Variants in NRG1 observed in about 807,000 individuals in gnomAD.
The protein encoded by NRG1 is pro-neuregulin-1, membrane-bound isoform.
In NRG1, 18 loss-of-function variants were observed where a neutral mutation model predicts 63.8. The observed-to-expected ratio is 0.28, with a 90% CI of 0.19 to 0.42. The LOEUF (loss-of-function observed/expected upper bound fraction) is 0.42, where lower values mean the gene tolerates loss of function less well. Ranked by LOEUF, NRG1 falls within the 10% of genes least tolerant of loss-of-function variation. NRG1 has a pLI of 1.00. For synonymous variants in NRG1, 302 were observed against 301.3 expected, an observed-to-expected ratio of 1.00 and a Z score of -0.02; for missense variants, 762 against 814.7, an observed-to-expected ratio of 0.94 and a Z score of 0.79.
intron 1 of NRG1, among the ~76,000 whole-genome samples, chr8:32,088,756 G>A (rs1327110110): frequency 2.0e-5 from 3 of 152,092 alleles, no homozygotes; most frequent in Non-Finnish European, 4.4e-5. Context: ...TTGACCTCAT[G>A]ATCCTCCTGC....
At chr8:32,736,179 C>T (rs149278995) in intron 6 of NRG1, among the ~76,000 whole-genome samples, 13 of 152,246 alleles carry the variant, frequency 8.5e-5, no homozygotes, top group Admixed American at 2.0e-4. Flanking sequence ...CTAGAAAGAA[C>T]GCTAAAACAC....
intron 1 of NRG1, among the ~76,000 whole-genome samples, chr8:31,830,347 TTCCTTCCTTCCTTCCCTCCTTCCC>T (rs1470351101): frequency 2.9e-4 from 34 of 116,482 alleles, no homozygotes; most frequent in Middle Eastern, 4.1e-3. Context: ...CCTTCCTTCC[TTCCTTCCTTCCTTCCCTCCTTCCC>T]TCCTTCCCTC....
chr8:31,770,606 G>T (rs866779913), intron 1 of NRG1, among the ~76,000 whole-genome samples: 1 of 151,158 alleles, frequency 6.6e-6, no homozygotes, highest in African/African-American at 2.4e-5. Context: ...ATCACACACC[G>T]GGGCCTGTTG....
Position 31,668,195 on chromosome 8 carries a change from T to C in NRG1, c.37+28764T>C, listed in dbSNP as rs142859926. On this transcript the variant is annotated intron_variant, in intron 1 of 10. Transcript: ENST00000519301. ...CAAAATTACAAGGAATGTAGTGGAA[T>C]TGGATAATGGATGGTGGAACCTCTT... Among the ~76,000 whole-genome samples, 469 of 152,304 alleles carry C rather than the reference T, an allele frequency of 3.1e-3. 3 individuals carry two copies. Among genetic ancestry groups the C allele is most frequent in the African/African-American group, 0.011 (451 of 41,564 alleles).
At chr8:31,928,702 A>G (rs1288567656) in intron 1 of NRG1, among the ~76,000 whole-genome samples, 1 of 152,138 alleles carries the variant, frequency 6.6e-6, no homozygotes, top group East Asian at 1.9e-4. Context: ...TTTAAAAAGA[A>G]TGAAATAATA....
At chr8:32,131,106 A>G (rs1031204091) in intron 1 of NRG1, among the ~76,000 whole-genome samples, 4 of 152,046 alleles carry the variant, frequency 2.6e-5, no homozygotes, top group African/African-American at 9.7e-5. Flanking sequence ...ACAATACCTT[A>G]ATTTCCAGAT....
chr8:32,742,732 C>T lies in NRG1; in HGVS notation c.690C>T (p.Tyr230=). 6.2e-7 allele frequency: 1 copy of T among 1,613,794 alleles called. No individual in the cohort carries two copies. Among genetic ancestry groups the T allele is most frequent in the Non-Finnish European group, 8.5e-7 (1 of 1,179,756 alleles). Residue 230 remains tyrosine, a splice_region_variant and synonymous_variant, in exon 7 of 12, where the codon TAC becomes TAT. Coordinates refer to ENST00000356819, the Ensembl canonical transcript of NRG1. This position sits in a 1 kb window ranked among gnomAD's most constrained non-coding sequence, Gnocchi z 4.2. ...AAAACTACGTAATGGCCAGCTTCTA[C>T]AGTACGTCCACTCCCTTTCTGTCTC...
chr8:32,011,076 A>C (rs1285224030), intron 1 of NRG1, among the ~76,000 whole-genome samples: 1 of 152,126 alleles, frequency 6.6e-6, no homozygotes, highest in Non-Finnish European at 1.5e-5. Flanking sequence ...AAGAGAAATG[A>C]ATGGTGGGAA....
chr8:32,619,685 A>C (rs1013711230), intron 5 of NRG1, among the ~76,000 whole-genome samples: 3 of 152,212 alleles, frequency 2.0e-5, no homozygotes, highest in African/African-American at 7.2e-5. Flanking sequence ...GGTAAAACCA[A>C]GGCTGCTTTT....
At chr8:31,713,139 C>T (rs186067996) in intron 1 of NRG1, among the ~76,000 whole-genome samples, 87 of 108,800 alleles carry the variant, frequency 8.0e-4, no homozygotes, top group Middle Eastern at 8.6e-3. Context: ...TTTTTTGAGA[C>T]GGAGTCTCGC....
chr8:32,187,263 G>T (rs906050952), intron 1 of NRG1, among the ~76,000 whole-genome samples: 1 of 152,124 alleles, frequency 6.6e-6, no homozygotes, highest in Non-Finnish European at 1.5e-5. Flanking sequence ...GCATTAGTGA[G>T]CTGGTATTTG....
intron 1 of NRG1, among the ~76,000 whole-genome samples, chr8:31,726,852 T>C (rs1377804671): frequency 6.6e-6 from 1 of 152,006 alleles, no homozygotes; most frequent in Non-Finnish European, 1.5e-5. Flanking sequence ...GGGTGAAAAC[T>C]TGAGGGAGAT....
At chr8:31,663,414 C>T (rs540124164) in intron 1 of NRG1, among the ~76,000 whole-genome samples, 3 of 152,282 alleles carry the variant, frequency 2.0e-5, no homozygotes, top group Admixed American at 1.3e-4. Context: ...CAACACCCTT[C>T]CTCCTGCCTC....
chr8:31,816,301 G>C (rs1823438626), intron 1 of NRG1, among the ~76,000 whole-genome samples: 1 of 151,992 alleles, frequency 6.6e-6, no homozygotes, highest in Non-Finnish European at 1.5e-5. Context: ...CTTTCTCCAG[G>C]GTCATTTCTA....
intron 1 of NRG1, among the ~76,000 whole-genome samples, chr8:32,073,062 G>A (rs1011338035): frequency 6.6e-6 from 1 of 152,092 alleles, no homozygotes; most frequent in Non-Finnish European, 1.5e-5. Flanking sequence ...GAAGTTGGAT[G>A]TTTAGGGAAA....
chr8:32,575,029 G>C (rs923529182), intron 1 of NRG1, among the ~76,000 whole-genome samples: 10 of 152,120 alleles, frequency 6.6e-5, no homozygotes, highest in Non-Finnish European at 1.3e-4. Context: ...GTAAACCCTA[G>C]ACAAATCTAA....
chr8:32,138,244 A>G (rs1835801086), intron 1 of NRG1, among the ~76,000 whole-genome samples: 1 of 152,090 alleles, frequency 6.6e-6, no homozygotes, highest in African/African-American at 2.4e-5. Flanking sequence ...TACCAGTGCA[A>G]TAAATAGAAT....
At chr8:32,535,829 C>T (rs2129519345) in intron 1 of NRG1, among the ~76,000 whole-genome samples, 1 of 152,200 alleles carries the variant, frequency 6.6e-6, no homozygotes, top group East Asian at 1.9e-4. Context: ...ATAGCCTTGC[C>T]CATTGACCAG....
intron 1 of NRG1, among the ~76,000 whole-genome samples, chr8:32,300,603 G>A (rs1194446418): frequency 6.6e-6 from 1 of 152,198 alleles, no homozygotes; most frequent in Non-Finnish European, 1.5e-5. Context: ...ATTGGTGGCT[G>A]CAGTTGATTA....
Sources: gnomAD v4.1 joint callset for allele counts (sites outside exome capture counted in the v4.1 genomes callset) on GRCh38, gnomAD v4.1.1 for gene constraint, Gnocchi (gnomAD v3.1) non-coding constraint, MANE v1.5 for transcripts, NCBI Gene and HGNC (gene_info 2026-07-23, HGNC 2026-07-21) for gene names.